The following NOX4 variants were observed in gnomAD, a reference collection of about 807,000 sequenced individuals.
NOX4 encodes NADPH oxidase 4, also known as kidney oxidase-1.
NOX4 carries 69 observed loss-of-function variants against 87.6 expected under a neutral mutation model. The ratio of observed to expected loss-of-function variants is 0.79; its 90% CI spans 0.65 to 0.96. NOX4 has a LOEUF of 0.96. NOX4 is among the 40% of genes least tolerant of loss of function. NOX4 has a pLI of 0.00. For synonymous variants in NOX4, 275 were observed against 238.2 expected, an observed-to-expected ratio of 1.15 and a Z score of -1.42; for missense variants, 680 against 681.5, an observed-to-expected ratio of 1.00 and a Z score of 0.02.
chr11:89,501,046 C>T (rs1232957741), upstream of NOX4, among the ~76,000 whole-genome samples: 1 of 152,016 alleles, frequency 6.6e-6, no homozygotes, highest in Non-Finnish European at 1.5e-5. Flanking sequence ...TGGAAATATA[C>T]TGCATTATTA....
the NOX4 span, among the ~76,000 whole-genome samples, chr11:89,558,899 T>C: frequency 6.6e-6 from 1 of 152,116 alleles, no homozygotes; most frequent in Non-Finnish European, 1.5e-5. Context: ...AAATCATAAG[T>C]GCAAAGAGGC....
At chr11:89,371,930 T>G (rs1340343900) in intron 12 of NOX4, among the ~76,000 whole-genome samples, 2 of 152,054 alleles carry the variant, frequency 1.3e-5, no homozygotes, top group East Asian at 3.9e-4. Context: ...TCCTTTTTTT[T>G]AAGTCTCCAA....
chr11:89,472,116 G>A (rs117708474), intron 2 of NOX4, among the ~76,000 whole-genome samples: 13 of 152,282 alleles, frequency 8.5e-5, no homozygotes, highest in Admixed American at 2.6e-4. Flanking sequence ...AACATGTCAT[G>A]AGTAACCAGA....
chr11:89,327,223 A>G (rs1354587425), intron 17 of NOX4, among the ~76,000 whole-genome samples: 2 of 152,168 alleles, frequency 1.3e-5, no homozygotes, highest in Non-Finnish European at 1.5e-5. Context: ...ATAGATGTCA[A>G]TTGCTAAACA....
chr11:89,411,335 G>A (rs71458621), intron 8 of NOX4, among the ~76,000 whole-genome samples: 1,796 of 152,234 alleles, frequency 0.012, 24 homozygotes, highest in Middle Eastern at 0.054. Flanking sequence ...CTCCTTCTGC[G>A]TAAGAAAAGG....
Position 89,367,719 on chromosome 11 carries a change from T to C in NOX4, c.1135+5713A>G, listed in dbSNP as rs371790589. 6.6e-5 allele frequency among the ~76,000 whole-genome samples: 10 copies of C among 152,186 alleles called. No homozygotes were observed. The Middle Eastern group carries it at 0.014, about 207-fold the overall frequency. ...GGGTGACCCATATAAAGGGCAAATT[T>C]GATTTCAGTTCCTGTTTAAAACTCC... On this transcript the variant is annotated intron_variant, in intron 12 of 17. Coordinates refer to ENST00000263317, the MANE Select transcript of NOX4 (RefSeq NM_016931.5).
At chr11:89,575,182 TA>T in the NOX4 span, among the ~76,000 whole-genome samples, 2,436 of 141,562 alleles carry the variant, frequency 0.017, 33 homozygotes, top group African/African-American at 0.047. Context: ...GAACTCCATC[TA>T]AAAAAAAAAA....
intron 2 of NOX4, among the ~76,000 whole-genome samples, chr11:89,479,872 A>C (rs1181139568): frequency 2.6e-5 from 4 of 152,140 alleles, no homozygotes; most frequent in African/African-American, 9.7e-5. Context: ...TCTAGGAATC[A>C]CATAGACTCA....
chr11:89,496,205 A>G (rs1946947845), upstream of NOX4, among the ~76,000 whole-genome samples: 1 of 152,172 alleles, frequency 6.6e-6, no homozygotes, highest in South Asian at 2.1e-4. Context: ...TCAGTCATTT[A>G]GGAATGTCTA....
At chr11:89,416,296 T>C (rs535064757) in intron 8 of NOX4, among the ~76,000 whole-genome samples, 1 of 152,268 alleles carries the variant, frequency 6.6e-6, no homozygotes, top group African/African-American at 2.4e-5. Context: ...TTGTTTAAAA[T>C]ACAACTTGTG....
At chr11:89,348,937 T>C (rs1946331238) in intron 13 of NOX4, among the ~76,000 whole-genome samples, 1 of 152,162 alleles carries the variant, frequency 6.6e-6, no homozygotes, top group African/African-American at 2.4e-5. Context: ...AAATTAATAA[T>C]GCATATAAAG....
chr11:89,460,853 G>GC (rs1288300763), intron 2 of NOX4, among the ~76,000 whole-genome samples: 1 of 152,136 alleles, frequency 6.6e-6, no homozygotes, highest in Non-Finnish European at 1.5e-5. Flanking sequence ...AAAGACACAT[G>GC]CACACGTATG....
chr11:89,391,951 C>CTCCT (rs149624652), intron 11 of NOX4, among the ~76,000 whole-genome samples: 84 of 147,198 alleles, frequency 5.7e-4, no homozygotes, highest in Admixed American at 1.6e-3. Flanking sequence ...CCTTCCCCTT[C>CTCCT]TCCTTCCTTC....
chr11:89,489,318 AT>A (rs1190126639), intron 2 of NOX4, among the ~76,000 whole-genome samples: 1 of 152,194 alleles, frequency 6.6e-6, no homozygotes, highest in Non-Finnish European at 1.5e-5. Context: ...ATGAAAAAAA[AT>A]AAAAAAGCAA....
chr11:89,442,367 A>G (rs950568790), intron 5 of NOX4, among the ~76,000 whole-genome samples: 8 of 152,152 alleles, frequency 5.3e-5, no homozygotes, highest in African/African-American at 1.7e-4. Flanking sequence ...CTAAAAATGT[A>G]CAACCTTTTA....
intron 6 of NOX4, 115 bp downstream of exon 6, chr11:89,440,573 C>T: frequency 1.7e-6 from 1 of 575,884 alleles, no homozygotes; most frequent in Non-Finnish European, 2.9e-6. Context: ...GATCCGCCCG[C>T]CTCAGCCTCC....
chr11:89,446,379 C>A (rs1383144024), intron 4 of NOX4, among the ~76,000 whole-genome samples: 1 of 151,944 alleles, frequency 6.6e-6, no homozygotes, highest in Non-Finnish European at 1.5e-5. Context: ...CCCAAAGGAA[C>A]TAAAAATGTA....
chr11:89,526,545 AC>A, the NOX4 span, among the ~76,000 whole-genome samples: 3 of 152,088 alleles, frequency 2.0e-5, no homozygotes, highest in Non-Finnish European at 4.4e-5. Flanking sequence ...CATAATCCCC[AC>A]GTGTTGAGGG....
At chr11:89,520,032 A>G in the NOX4 span, among the ~76,000 whole-genome samples, 11 of 152,024 alleles carry the variant, frequency 7.2e-5, no homozygotes, top group African/African-American at 1.7e-4. Context: ...TGAAGTGTAA[A>G]ATGAGGTAGG....
Sources: gnomAD v4.1 joint callset for allele counts (sites outside exome capture counted in the v4.1 genomes callset) on GRCh38, gnomAD v4.1.1 for gene constraint, MANE v1.5 for transcripts, NCBI Gene and HGNC (gene_info 2026-07-23, HGNC 2026-07-21) for gene names.